LINGO2: variants seen among roughly 807,000 people sequenced by gnomAD.
LINGO2 encodes the protein leucine rich repeat and Ig domain containing 2.
LINGO2 carries 14 observed loss-of-function variants against 30.6 expected under a neutral mutation model. The ratio of observed to expected loss-of-function variants is 0.46; its 90% CI spans 0.30 to 0.72. The LOEUF (loss-of-function observed/expected upper bound fraction) is 0.72, where lower values mean the gene tolerates loss of function less well. Ranked by LOEUF, LINGO2 falls within the 30% of genes least tolerant of loss-of-function variation. The pLI is 0.07. For missense variants in LINGO2, 729 were observed against 751.7 expected (o/e 0.97, Z 0.35); for synonymous variants, 317 against 288.5 (o/e 1.10, Z -1.00).
At chr9:28,849,749 T>G in the LINGO2 span, among the ~76,000 whole-genome samples, 1 of 152,016 alleles carries the variant, frequency 6.6e-6, no homozygotes, top group African/African-American at 2.4e-5. Context: ...TTTATTTAAC[T>G]ACCCTCTTCC....
the LINGO2 span, among the ~76,000 whole-genome samples, chr9:28,869,441 G>A: frequency 2.0e-5 from 3 of 151,962 alleles, no homozygotes; most frequent in African/African-American, 4.8e-5. Flanking sequence ...AACAAGGAGT[G>A]GGGGGAGGGG....
intron 3 of LINGO2, among the ~76,000 whole-genome samples, chr9:28,316,082 T>C (rs1473969441): frequency 6.6e-6 from 1 of 152,066 alleles, no homozygotes; most frequent in African/African-American, 2.4e-5. Context: ...CTTTATAGAA[T>C]TGTCAGAAAC....
the LINGO2 span, among the ~76,000 whole-genome samples, chr9:28,752,792 A>C: frequency 6.6e-6 from 1 of 152,014 alleles, no homozygotes; most frequent in Non-Finnish European, 1.5e-5. Context: ...ATACAGAAAA[A>C]AAGTGATGAC....
intron 4 of LINGO2, among the ~76,000 whole-genome samples, chr9:28,041,993 C>T (rs1225480048): frequency 6.6e-6 from 1 of 152,056 alleles, no homozygotes; most frequent in Non-Finnish European, 1.5e-5. Flanking sequence ...ACTTCCTAAG[C>T]TGTATGGTTT....
At chr9:28,274,942 T>C (rs998035929) in intron 4 of LINGO2, among the ~76,000 whole-genome samples, 4 of 152,180 alleles carry the variant, frequency 2.6e-5, no homozygotes, top group Non-Finnish European at 5.9e-5. Context: ...ATTTAGAAAG[T>C]TCCTCCTCAT....
the LINGO2 span, among the ~76,000 whole-genome samples, chr9:28,826,931 C>G: frequency 6.6e-6 from 1 of 152,142 alleles, no homozygotes; most frequent in Middle Eastern, 3.4e-3. Context: ...TTTCTGAAAC[C>G]CAGTTTCTGA....
the LINGO2 span, among the ~76,000 whole-genome samples, chr9:28,829,098 A>G: frequency 1.3e-5 from 2 of 152,130 alleles, no homozygotes; most frequent in Non-Finnish European, 2.9e-5. Context: ...CAGAGAGAAG[A>G]AGCTGTTGAA....
chr9:29,157,931 G>GTATGTTTTATATAACATA, the LINGO2 span, among the ~76,000 whole-genome samples: 1 of 151,904 alleles, frequency 6.6e-6, no homozygotes, highest in Non-Finnish European at 1.5e-5. Context: ...TACAGAATGT[G>GTATGTTTTATATAACATA]TATAAAAAAA....
the LINGO2 span, among the ~76,000 whole-genome samples, chr9:29,026,863 A>G: frequency 5.3e-5 from 8 of 152,186 alleles, no homozygotes; most frequent in African/African-American, 7.2e-5. Flanking sequence ...ATTCTATAAT[A>G]AATCAACCAA....
At chr9:28,387,285 G>GT (rs989056991) in intron 2 of LINGO2, among the ~76,000 whole-genome samples, 12 of 151,660 alleles carry the variant, frequency 7.9e-5, no homozygotes, top group South Asian at 4.2e-4. Flanking sequence ...GTGTCTAAAG[G>GT]TTTTAAATGC....
chr9:29,175,522 A>ATTTT, the LINGO2 span, among the ~76,000 whole-genome samples: 2 of 110,376 alleles, frequency 1.8e-5, no homozygotes, highest in African/African-American at 3.5e-5. Context: ...TATCTCCGAG[A>ATTTT]TTTTTTTTTT....
chr9:28,569,046 T>C (rs1178927828), intron 1 of LINGO2, among the ~76,000 whole-genome samples: 3 of 152,020 alleles, frequency 2.0e-5, no homozygotes, highest in Non-Finnish European at 4.4e-5. Context: ...TTCTAAGTAT[T>C]GCTTATCATC....
At chr9:28,203,996 CAG>C (rs1820325769) in intron 4 of LINGO2, among the ~76,000 whole-genome samples, 1 of 152,142 alleles carries the variant, frequency 6.6e-6, no homozygotes. Flanking sequence ...AAAAGGGTCA[CAG>C]AGTATATACA....
At chr9:28,903,736 A>G in the LINGO2 span, among the ~76,000 whole-genome samples, 3 of 152,104 alleles carry the variant, frequency 2.0e-5, no homozygotes, top group Admixed American at 2.0e-4. Context: ...CCTTAGACTT[A>G]TCAGAGCACT....
At chr9:28,628,816 T>A (rs937616509) in intron 1 of LINGO2, among the ~76,000 whole-genome samples, 3 of 152,072 alleles carry the variant, frequency 2.0e-5, no homozygotes, top group Admixed American at 2.0e-4. Flanking sequence ...CCTCCGGTAA[T>A]GTAATGATTT....
At chr9:28,334,024 A>G (rs1228483396) in intron 3 of LINGO2, among the ~76,000 whole-genome samples, 2 of 152,176 alleles carry the variant, frequency 1.3e-5, no homozygotes, top group African/African-American at 4.8e-5. Flanking sequence ...TATATTTCAG[A>G]TTTGAAAATT....
At chr9:28,792,286 G>A in the LINGO2 span, among the ~76,000 whole-genome samples, 1 of 151,980 alleles carries the variant, frequency 6.6e-6, no homozygotes, top group Non-Finnish European at 1.5e-5. Context: ...TAAAGAAAAA[G>A]ATGGAAAATG....
At chr9:28,417,169 G>A (rs2134854196) in intron 2 of LINGO2, among the ~76,000 whole-genome samples, 1 of 152,306 alleles carries the variant, frequency 6.6e-6, no homozygotes, top group South Asian at 2.1e-4. Flanking sequence ...GTTAGTCTGT[G>A]AAGGACTCTG....
intron 1 of LINGO2, among the ~76,000 whole-genome samples, chr9:28,571,249 C>A (rs903118077): frequency 6.6e-6 from 1 of 151,958 alleles, no homozygotes; most frequent in Non-Finnish European, 1.5e-5. Context: ...CCAGAACAGT[C>A]AATTTCCTAA....
Sources: gnomAD v4.1 joint callset for allele counts (sites outside exome capture counted in the v4.1 genomes callset) on GRCh38, gnomAD v4.1.1 for gene constraint, MANE v1.5 for transcripts, NCBI Gene and HGNC (gene_info 2026-07-23, HGNC 2026-07-21) for gene names.